MECOM: variants seen among roughly 807,000 people sequenced by gnomAD.
MECOM encodes MDS1 and EVI1 complex locus, also known as histone-lysine N-methyltransferase MECOM.
MECOM carries 13 observed loss-of-function variants against 116.3 expected under a neutral mutation model. That is an observed-to-expected ratio of 0.11 (90% confidence interval 0.07 to 0.18). The LOEUF is 0.18. Ranked by LOEUF, MECOM falls within the 10% of genes least tolerant of loss-of-function variation. The pLI is 1.00. For synonymous variants in MECOM, 528 were observed against 535.2 expected (o/e 0.99, Z 0.19); for missense variants, 1,299 against 1,509.0 (o/e 0.86, Z 2.31).
chr3:169,381,184 T>C lies in MECOM; in HGVS notation c.375+3A>G, dbSNP rs1347720667. 5.6e-6 allele frequency: 9 copies of C among 1,596,850 alleles called. No homozygotes were observed. The East Asian group carries it at 1.8e-4, about 32-fold the overall frequency. Reference sequence around the variant, plus strand: ...AATGTGTTAACTCAAAATACATTCTTACCTCCCATCCATAACTGGGGTCTT... The same window carrying C: ...AATGTGTTAACTCAAAATACATTCTCACCTCCCATCCATAACTGGGGTCTT... On this transcript the variant is annotated splice_donor_region_variant and intron_variant, in intron 2 of 16. Transcript: ENST00000651503.
Position 169,148,222 on chromosome 3 carries a change from C to G in MECOM, c.376-4390G>C, listed in dbSNP as rs571480536. On this transcript the variant is annotated intron_variant, in intron 2 of 16. Coordinates refer to ENST00000651503, the MANE Select transcript of MECOM (RefSeq NM_004991.4). ...TGATGACTGTCTGGTGAGTCTTTGCCATTTTCTTTGATACATTAATTAAAA... is the reference window on the plus strand; with the variant it reads ...TGATGACTGTCTGGTGAGTCTTTGCGATTTTCTTTGATACATTAATTAAAA... 3.3e-5 allele frequency among the ~76,000 whole-genome samples: 5 copies of G among 152,190 alleles called. No individual in the cohort carries two copies. The South Asian group carries it at 1.0e-3, about 32-fold the overall frequency.
At chr3:169,113,672 CATTGA>C (rs1430105627) in intron 8 of MECOM, among the ~76,000 whole-genome samples, 1 of 151,828 alleles carries the variant, frequency 6.6e-6, no homozygotes, top group Admixed American at 6.6e-5. Context: ...TGAATTAATT[CATTGA>C]ATTAATTTCT....
chr3:169,392,161 G>T (rs1284352767), intron 1 of MECOM, among the ~76,000 whole-genome samples: 1 of 152,126 alleles, frequency 6.6e-6, no homozygotes, highest in South Asian at 2.1e-4. Flanking sequence ...CAGTTAGCAG[G>T]ATTTAAGCTA....
intron 1 of MECOM, among the ~76,000 whole-genome samples, chr3:169,651,443 G>A (rs952851670): frequency 1.3e-5 from 2 of 152,180 alleles, no homozygotes; most frequent in African/African-American, 4.8e-5. Context: ...TAGCATCTAT[G>A]TTCATCAGGA....
At chr3:169,402,210 A>G (rs1473572623) in intron 1 of MECOM, among the ~76,000 whole-genome samples, 1 of 152,220 alleles carries the variant, frequency 6.6e-6, no homozygotes, top group East Asian at 1.9e-4. Context: ...TTTATCAGTG[A>G]TAGGTAAAGT....
At chr3:169,126,766 G>C (rs949964950) in intron 5 of MECOM, among the ~76,000 whole-genome samples, 20 of 151,930 alleles carry the variant, frequency 1.3e-4, no homozygotes, top group African/African-American at 4.3e-4. Flanking sequence ...TTTCCTAAAA[G>C]AGGCGTAACC....
intron 1 of MECOM, among the ~76,000 whole-genome samples, chr3:169,421,618 A>C (rs1739750159): frequency 6.6e-6 from 1 of 152,044 alleles, no homozygotes; most frequent in East Asian, 1.9e-4. Flanking sequence ...CTTACAGCCT[A>C]GGCTAACCAA....
chr3:169,359,646 A>G (rs1727865744), intron 2 of MECOM, among the ~76,000 whole-genome samples: 1 of 151,794 alleles, frequency 6.6e-6, no homozygotes, highest in African/African-American at 2.4e-5. Context: ...ACAATATTCT[A>G]TAGAATGAAT....
intron 1 of MECOM, among the ~76,000 whole-genome samples, chr3:169,409,059 G>A (rs140341907): frequency 6.6e-6 from 1 of 152,220 alleles, no homozygotes; most frequent in East Asian, 1.9e-4. Flanking sequence ...GGGGAAATTG[G>A]CCTAGGTTAG....
intron 2 of MECOM, among the ~76,000 whole-genome samples, chr3:169,349,093 T>A (rs1257962898): frequency 7.2e-6 from 1 of 138,714 alleles, no homozygotes; most frequent in Non-Finnish European, 1.5e-5. Context: ...CCTCCCCCAG[T>A]GTTTTTCTCC....
At chr3:169,443,045 T>C (rs1199793430) in intron 1 of MECOM, among the ~76,000 whole-genome samples, 3 of 151,350 alleles carry the variant, frequency 2.0e-5, no homozygotes, top group Admixed American at 6.6e-5. Flanking sequence ...CACCACAGCA[T>C]CAAAAAAAAA....
At chr3:169,500,131 T>G (rs976389650) in intron 1 of MECOM, among the ~76,000 whole-genome samples, 2 of 152,030 alleles carry the variant, frequency 1.3e-5, no homozygotes, top group Non-Finnish European at 2.9e-5. Context: ...AATAACTGAA[T>G]AAAAATATTA....
intron 2 of MECOM, among the ~76,000 whole-genome samples, chr3:169,333,663 A>C (rs1042361784): frequency 6.6e-6 from 1 of 152,204 alleles, no homozygotes; most frequent in African/African-American, 2.4e-5. Flanking sequence ...TTATGATAAT[A>C]TAATGTTTTA....
intron 1 of MECOM, among the ~76,000 whole-genome samples, chr3:169,627,398 C>G (rs571070348): frequency 5.6e-4 from 85 of 152,304 alleles, no homozygotes; most frequent in African/African-American, 1.9e-3. Context: ...AGTGACATTA[C>G]CCAGCAGCTT....
chr3:169,367,394 A>AT (rs977454875), intron 2 of MECOM, among the ~76,000 whole-genome samples: 7 of 151,548 alleles, frequency 4.6e-5, no homozygotes, highest in Admixed American at 6.6e-5. Context: ...ACCTTAAACA[A>AT]TTTTTTTTGT....
chr3:169,578,256 C>G (rs947945305), intron 1 of MECOM, among the ~76,000 whole-genome samples: 3 of 152,132 alleles, frequency 2.0e-5, no homozygotes, highest in African/African-American at 7.2e-5. Context: ...TTCCTTTAAG[C>G]TCAGTTACTC....
At chr3:169,273,207 C>T (rs530461086) in intron 2 of MECOM, among the ~76,000 whole-genome samples, 1 of 152,242 alleles carries the variant, frequency 6.6e-6, no homozygotes, top group South Asian at 2.1e-4. Flanking sequence ...ACAAATAAGG[C>T]ATCAGAACAT....
chr3:169,379,536 A>G (rs1210467116), intron 2 of MECOM, among the ~76,000 whole-genome samples: 6 of 152,138 alleles, frequency 3.9e-5, no homozygotes, highest in Admixed American at 1.3e-4. Context: ...TTTCACTCCA[A>G]GGAGAAAAAA....
intron 2 of MECOM, among the ~76,000 whole-genome samples, chr3:169,204,548 CT>C (rs1378729673): frequency 6.6e-6 from 1 of 152,170 alleles, no homozygotes; most frequent in Non-Finnish European, 1.5e-5. Flanking sequence ...AACTGTGTCT[CT>C]TAATCTATAG....
Sources: gnomAD v4.1 joint callset for allele counts (sites outside exome capture counted in the v4.1 genomes callset) on GRCh38, gnomAD v4.1.1 for gene constraint, MANE v1.5 for transcripts, NCBI Gene and HGNC (gene_info 2026-07-23, HGNC 2026-07-21) for gene names.